GNPTAB: variants seen among roughly 807,000 people sequenced by gnomAD.
GNPTAB encodes N-acetylglucosamine-1-phosphotransferase subunits alpha/beta.
Under a neutral mutation model 136.6 loss-of-function variants are expected in GNPTAB, and 92 were observed. The observed-to-expected ratio is 0.67, with a 90% CI of 0.57 to 0.80. The LOEUF is 0.80. GNPTAB is among the 30% of genes least tolerant of loss of function. The pLI, the probability that GNPTAB is intolerant of heterozygous loss-of-function variation, is 0.00. For synonymous variants in GNPTAB, 512 were observed against 535.1 expected (o/e 0.96, Z 0.60); for missense variants, 1,343 against 1,501.8 (o/e 0.89, Z 1.75).
At chr12:101,784,226 A>G (rs1456271141) in intron 5 of GNPTAB, among the ~76,000 whole-genome samples, 2 of 152,242 alleles carry the variant, frequency 1.3e-5, no homozygotes, top group African/African-American at 2.4e-5. Context: ...CATTGTGAAT[A>G]TATTAGTCCA....
In GNPTAB at chr12:101,765,260, T is replaced by C; in HGVS notation, c.1657A>G (p.Thr553Ala). ...TCACCTTTTGGAATAATATAGTGAG[T>C]CTGGTTTGGGAGAAGGATCACTTTA... ...LYKVILLPNQ[T>A]HYIIPKGECL... is the part of the protein sequence containing the mutation. Residue 553 changes from threonine to alanine, a missense_variant, in exon 13 of 21, where the codon ACT (threonine) becomes GCT (alanine). Thr to Ala is a moderately conservative substitution (Grantham distance 58, BLOSUM62 0). Coordinates refer to ENST00000299314, the MANE Select transcript of GNPTAB (RefSeq NM_024312.5). The C allele has an allele frequency of 5.6e-6, 9 of 1,613,600 alleles. No individual in the cohort carries two copies. The highest frequency in any genetic ancestry group is 7.6e-6 in the Non-Finnish European group (9 of 1,179,592).
intron 2 of GNPTAB, among the ~76,000 whole-genome samples, chr12:101,794,315 T>C (rs1353008963): frequency 6.6e-6 from 1 of 152,074 alleles, no homozygotes; most frequent in Non-Finnish European, 1.5e-5. Flanking sequence ...TACTGACATA[T>C]GGAATGGGAT....
intron 1 of GNPTAB, among the ~76,000 whole-genome samples, chr12:101,822,066 G>A (rs550875846): frequency 6.6e-6 from 1 of 152,194 alleles, no homozygotes; most frequent in African/African-American, 2.4e-5. Flanking sequence ...GACCACTCCT[G>A]AGCACGGCGG....
chr12:101,796,274 GA>G lies in GNPTAB; in HGVS notation c.203+402del, dbSNP rs1243082470. 9 of 702,372 alleles carry G rather than the reference GA, an allele frequency of 1.3e-5. No homozygotes were observed. In the East Asian group the frequency reaches 1.3e-4, roughly 10 times the overall value. The allele number at this position is 702,372 out of a possible 1,614,324, so 43.5% of individuals were successfully genotyped here. On this transcript the variant is annotated intron_variant, in intron 2 of 20. Transcript: ENST00000299314. Reference sequence around the variant, plus strand: ...TTTACCTCACAGACCTGGGGAGACAGAAAATGCAATCATGCAATTTAAGGTA... The same window carrying G: ...TTTACCTCACAGACCTGGGGAGACAGAAATGCAATCATGCAATTTAAGGTA...
At chr12:101,805,372 T>C (rs1400265537) in intron 1 of GNPTAB, among the ~76,000 whole-genome samples, 1 of 152,212 alleles carries the variant, frequency 6.6e-6, no homozygotes, top group African/African-American at 2.4e-5. Context: ...TAAAAAGTCA[T>C]AAAAGGTGAA....
chr12:101,780,362 A>G lies in GNPTAB; in HGVS notation c.637-76T>C, dbSNP rs1222025102. 4.1e-6 allele frequency: 6 copies of G among 1,472,060 alleles called. No individual in the cohort carries two copies. In the East Asian group the frequency reaches 1.1e-4, roughly 28 times the overall value. The allele number at this position is 1,472,060 out of a possible 1,614,324, so 91.2% of individuals were successfully genotyped here. The stretch of plus-strand genomic sequence containing the variant: ...AAAACCTACAGCTGAGAAAACTGGT[A>G]AAGATCTATTGCATCACAACACAAG... On this transcript the variant is annotated intron_variant, in intron 6 of 20. Transcript: ENST00000299314.
Position 101,745,509 on chromosome 12 carries a change from A to T in GNPTAB, c.*1655T>A, listed in dbSNP as rs1348327868. The T allele has an allele frequency of 6.6e-6, 1 of 152,256 alleles. No individual in the cohort carries two copies. Among genetic ancestry groups the T allele is most frequent in the Non-Finnish European group, 1.5e-5 (1 of 68,046 alleles). The allele number at this position is 152,256 out of a possible 1,614,324, so 9.4% of individuals were successfully genotyped here. On this transcript the variant is annotated 3_prime_UTR_variant, in exon 21 of 21. Coordinates refer to ENST00000299314, the MANE Select transcript of GNPTAB (RefSeq NM_024312.5). ...TTAAAAATCAAAGTGTCAGACAAAA[A>T]TTTAACTTTTTATGAGATTTCAGTT...
Position 101,770,078 on chromosome 12 carries a change from G to T in GNPTAB, c.1227C>A (p.Val409=). 1 of 1,614,116 alleles carries T rather than the reference G, an allele frequency of 6.2e-7. No individual in the cohort carries two copies. Among genetic ancestry groups the T allele is most frequent in the Non-Finnish European group, 8.5e-7 (1 of 1,179,998 alleles). Residue 409 remains valine (V), a synonymous_variant, in exon 10 of 21, where the codon GTC becomes GTA. Coordinates refer to ENST00000299314, the MANE Select transcript of GNPTAB (RefSeq NM_024312.5). The stretch of plus-strand genomic sequence containing the variant: ...CTGGCCAGACATCCTTCCCAAACAT[G>T]ACATCATCATTTAGGTAAATAAACT... ...SQKFIYLNDD[V]MFGKDVWPDD...
In GNPTAB at chr12:101,786,200, C is replaced by T; in HGVS notation, c.383G>A (p.Cys128Tyr). The T allele has an allele frequency of 1.2e-6, 2 of 1,613,292 alleles. No individual in the cohort carries two copies. The highest frequency in any genetic ancestry group is 1.7e-6 in the Non-Finnish European group (2 of 1,179,528). The change falls in exon 5 of 21, where the codon TGT (cysteine) becomes TAT (tyrosine). Residue 128 changes from cysteine to tyrosine, a missense_variant. Coordinates refer to ENST00000299314, the MANE Select transcript of GNPTAB (RefSeq NM_024312.5). ...PTKKSEKQLE[C>Y]LLTHCIKVPM... ...CACCTTAATGCAGTGTGTTAGCAAA[C>T]ACTCTAACTGCTTCTCACTGGAAAG...
intron 18 of GNPTAB, among the ~76,000 whole-genome samples, chr12:101,754,096 G>GA (rs1385620149): frequency 6.6e-6 from 1 of 150,414 alleles, no homozygotes; most frequent in Non-Finnish European, 1.5e-5. Context: ...CTGCAGTGAG[G>GA]AAAAAAAAGA....
intron 7 of GNPTAB, among the ~76,000 whole-genome samples, chr12:101,774,898 T>TTTTATTTGTAGAC (rs1953237185): frequency 6.6e-6 from 1 of 152,218 alleles, no homozygotes; most frequent in South Asian, 2.1e-4. Flanking sequence ...GCAGACAAAA[T>TTTTATTTGTAGAC]AGTATTTTAA....
At chr12:101,789,574 T>C (rs1449756267) in intron 3 of GNPTAB, among the ~76,000 whole-genome samples, 4 of 152,216 alleles carry the variant, frequency 2.6e-5, no homozygotes, top group Non-Finnish European at 4.4e-5. Flanking sequence ...AGCCTCAACC[T>C]CCTGAGCTCA....
intron 5 of GNPTAB, among the ~76,000 whole-genome samples, chr12:101,785,418 C>A (rs529785088): frequency 2.0e-5 from 3 of 152,098 alleles, no homozygotes; most frequent in Non-Finnish European, 2.9e-5. Flanking sequence ...CAGGTTCCCA[C>A]TATGTTGCCC....
At chr12:101,799,758 C>A (rs1869504151) in intron 1 of GNPTAB, among the ~76,000 whole-genome samples, 1 of 149,890 alleles carries the variant, frequency 6.7e-6, no homozygotes, top group Non-Finnish European at 1.5e-5. Context: ...TTTGATTGGA[C>A]AATGCCCATG....
At chr12:101,792,290 T>A (rs1869039124) in intron 2 of GNPTAB, among the ~76,000 whole-genome samples, 1 of 152,164 alleles carries the variant, frequency 6.6e-6, no homozygotes, top group Non-Finnish European at 1.5e-5. Context: ...AGAGGCGAGT[T>A]CCCTGAGCAG....
rs1460547039 is a variant in GNPTAB at position 101,771,040 on chromosome 12, T to C, written c.889A>G (p.Ile297Val). Residue 297 changes from isoleucine (I) to valine (V), a missense_variant, in exon 8 of 21, where the codon ATA (isoleucine) becomes GTA (valine). By Grantham distance (29) the Ile-to-Val change is conservative. Coordinates refer to ENST00000299314, the MANE Select transcript of GNPTAB (RefSeq NM_024312.5). The stretch of plus-strand genomic sequence containing the variant: ...TCCCATAATAAATATGCAGGACTTA[T>C]GGTCAGTTCTTTTCCATCAATGGTC... ...NMTIDGKELT[I>V]SPAYLLWDLS... 3 of 1,614,140 alleles carry C rather than the reference T, an allele frequency of 1.9e-6. No homozygotes were observed. The highest frequency in any genetic ancestry group is 2.5e-6 in the Non-Finnish European group (3 of 1,179,954).
intron 1 of GNPTAB, among the ~76,000 whole-genome samples, chr12:101,815,180 A>G (rs1870453112): frequency 6.6e-6 from 1 of 152,028 alleles, no homozygotes. Flanking sequence ...CAGTCCTCCC[A>G]CCTCAGCCTC....
At chr12:101,807,266 C>T (rs1869975304) in intron 1 of GNPTAB, among the ~76,000 whole-genome samples, 2 of 152,120 alleles carry the variant, frequency 1.3e-5, no homozygotes, top group African/African-American at 4.8e-5. Flanking sequence ...ACTAGGAATA[C>T]AGGAGAACTT....
chr12:101,748,061 T>A (rs1381568846), intron 20 of GNPTAB, among the ~76,000 whole-genome samples: 2 of 152,214 alleles, frequency 1.3e-5, no homozygotes, highest in African/African-American at 4.8e-5. Flanking sequence ...GGTTTCTCAC[T>A]GGACCCTGTT....
Sources: gnomAD v4.1 joint callset for allele counts (sites outside exome capture counted in the v4.1 genomes callset) on GRCh38, gnomAD v4.1.1 for gene constraint, MANE v1.5 for transcripts, NCBI Gene and HGNC (gene_info 2026-07-23, HGNC 2026-07-21) for gene names.